RFC3: variants seen among roughly 807,000 people sequenced by gnomAD.
RFC3 encodes replication factor C subunit 3, also known as A1 38 kDa subunit.
Under a neutral mutation model 45.1 loss-of-function variants are expected in RFC3, and 41 were observed. The observed-to-expected ratio is 0.91, with a 90% CI of 0.71 to 1.18. RFC3 has a LOEUF of 1.18. RFC3 is among the 50% of genes most tolerant of loss of function. The pLI is 0.00. For synonymous variants in RFC3, 149 were observed against 144.0 expected (o/e 1.03, Z -0.25); for missense variants, 423 against 428.1 (o/e 0.99, Z 0.10).
chr13:33,854,815 G>A (rs1387097902), intron 8 of RFC3, among the ~76,000 whole-genome samples: 5 of 152,138 alleles, frequency 3.3e-5, no homozygotes, highest in Admixed American at 3.3e-4. Context: ...GCTATTTCAG[G>A]TGTCTATTTC....
chr13:33,904,043 C>T (rs1478277774), intron 8 of RFC3, among the ~76,000 whole-genome samples: 1 of 151,988 alleles, frequency 6.6e-6, no homozygotes, highest in Non-Finnish European at 1.5e-5. Flanking sequence ...CTTTTATATC[C>T]CTTTGTTTAA....
chr13:33,894,063 G>A (rs1056307015), intron 8 of RFC3, among the ~76,000 whole-genome samples: 3 of 152,174 alleles, frequency 2.0e-5, no homozygotes, highest in African/African-American at 7.2e-5. Flanking sequence ...AAAGACAAAA[G>A]TGTGTAGAAA....
chr13:33,821,266 C>T lies in RFC3; in HGVS notation c.222C>T (p.Ile74=), dbSNP rs1485428571. 6 of 1,612,974 alleles carry T rather than the reference C, an allele frequency of 3.7e-6. No individual in the cohort carries two copies. In the African/African-American group the frequency reaches 5.3e-5, roughly 14 times the overall value. Residue 74 remains isoleucine, a synonymous_variant, in exon 2 of 9, where the codon ATC becomes ATT. Coordinates refer to ENST00000380071, the MANE Select transcript of RFC3 (RefSeq NM_002915.4). ...VEKLRIEHQT[I]TTPSKKKIEI... ...AATTGAGAATTGAACATCAGACCAT[C>T]ACAGTAAGCATTTCACTTTGAGGCC...
intron 8 of RFC3, among the ~76,000 whole-genome samples, chr13:33,943,319 G>T (rs1446528779): frequency 6.6e-6 from 1 of 152,142 alleles, no homozygotes; most frequent in African/African-American, 2.4e-5. Flanking sequence ...ACAGGAAATA[G>T]AAGCCTGTAC....
intron 8 of RFC3, among the ~76,000 whole-genome samples, chr13:33,844,174 T>A (rs917774848): frequency 2.0e-5 from 3 of 152,242 alleles, no homozygotes; most frequent in African/African-American, 7.2e-5. Context: ...TCTCTTGTTC[T>A]CTCTTTTAAA....
At chr13:33,861,660 A>AG (rs1171069183) in intron 8 of RFC3, among the ~76,000 whole-genome samples, 1 of 151,794 alleles carries the variant, frequency 6.6e-6, no homozygotes, top group Non-Finnish European at 1.5e-5. Context: ...AAAAAAAAAA[A>AG]CGGAAAAATG....
intron 2 of RFC3, among the ~76,000 whole-genome samples, chr13:33,821,488 T>G (rs2082003648): frequency 6.6e-6 from 1 of 152,180 alleles, no homozygotes; most frequent in Admixed American, 6.5e-5. Flanking sequence ...AACAGAGGGT[T>G]TGGGGTAAAA....
At chr13:33,938,092 A>G (rs1013552521) in intron 8 of RFC3, among the ~76,000 whole-genome samples, 4 of 149,102 alleles carry the variant, frequency 2.7e-5, no homozygotes, top group African/African-American at 9.8e-5. Context: ...CCCTCCCACT[A>G]AGTCCAAGGA....
chr13:33,973,492 G>T, the RFC3 span, among the ~76,000 whole-genome samples: 1 of 152,150 alleles, frequency 6.6e-6, no homozygotes, highest in Non-Finnish European at 1.5e-5. Context: ...CTAGCAACGA[G>T]TGAGGCTTGG....
At chr13:33,863,194 GTAATA>G (rs528534758) in intron 8 of RFC3, among the ~76,000 whole-genome samples, 85 of 152,282 alleles carry the variant, frequency 5.6e-4, no homozygotes, top group Non-Finnish European at 8.5e-4. Context: ...AACTGCATCA[GTAATA>G]TAATGAATGA....
rs1206877911 is a variant in RFC3 at position 33,925,242 on chromosome 13, C to T, written c.880-40845C>T. Among the ~76,000 whole-genome samples, 2 of 59,128 alleles carry T rather than the reference C, an allele frequency of 3.4e-5. 1 individual carries two copies. Among genetic ancestry groups the T allele is most frequent in the African/African-American group, 1.8e-4 (2 of 11,150 alleles). 38.8% of individuals were successfully genotyped at this position (59,128 alleles called of 152,430 possible). The stretch of plus-strand genomic sequence containing the variant: ...ACTATATACATACACATATAGTGTA[C>T]TATATACATACACATATAGTGTACT... On this transcript the variant is annotated intron_variant, in intron 8 of 8. Coordinates refer to the RFC3 transcript ENST00000434425.
At chr13:33,820,943 C>G (rs2081997235) in intron 1 of RFC3, among the ~76,000 whole-genome samples, 189 bp from the exon 2 acceptor site, 1 of 148,870 alleles carries the variant, frequency 6.7e-6, no homozygotes, top group Non-Finnish European at 1.5e-5. Context: ...ATAAAAGATA[C>G]ACAATATTTT....
At chr13:33,834,298 G>GTGTGTGTA (rs1302839326) in intron 7 of RFC3, among the ~76,000 whole-genome samples, 3 of 109,218 alleles carry the variant, frequency 2.7e-5, no homozygotes, top group African/African-American at 1.2e-4. Context: ...TGTACTGTGT[G>GTGTGTGTA]TATATATATA....
chr13:33,873,754 T>C (rs1007795874), intron 8 of RFC3, among the ~76,000 whole-genome samples: 1 of 152,128 alleles, frequency 6.6e-6, no homozygotes, highest in Non-Finnish European at 1.5e-5. Context: ...TGAGGGTAAA[T>C]AGGATAGTCT....
chr13:33,834,750 A>G (rs2082137698), intron 7 of RFC3, among the ~76,000 whole-genome samples: 1 of 152,142 alleles, frequency 6.6e-6, no homozygotes, highest in Non-Finnish European at 1.5e-5. Flanking sequence ...ATTACTTGAC[A>G]TGTCATTAAA....
At chr13:33,962,649 A>G (rs186340087) in intron 8 of RFC3, among the ~76,000 whole-genome samples, 4 of 152,322 alleles carry the variant, frequency 2.6e-5, no homozygotes, top group Non-Finnish European at 4.4e-5. Context: ...CAACCATCAG[A>G]ATAACATTTT....
intron 4 of RFC3, among the ~76,000 whole-genome samples, chr13:33,829,301 C>T (rs2082079769): frequency 2.0e-5 from 3 of 152,208 alleles, no homozygotes. Context: ...GCACCACTGT[C>T]TTCCAAAGTC....
At chr13:33,877,404 G>C (rs1218663645) in intron 8 of RFC3, among the ~76,000 whole-genome samples, 1 of 152,120 alleles carries the variant, frequency 6.6e-6, no homozygotes, top group Non-Finnish European at 1.5e-5. Context: ...CTTTGTAAAA[G>C]CGGTAAGAAA....
At chr13:33,883,082 A>T (rs117179618) in intron 8 of RFC3, among the ~76,000 whole-genome samples, 1 of 152,220 alleles carries the variant, frequency 6.6e-6, no homozygotes. Flanking sequence ...ATATTTGTGC[A>T]CAGGTTTGTG....
Sources: allele counts gnomAD v4.1 joint callset (sites outside exome capture counted in the v4.1 genomes callset), GRCh38; gene constraint gnomAD v4.1.1; transcripts MANE v1.5; gene names NCBI Gene and HGNC (gene_info 2026-07-23, HGNC 2026-07-21).